The following CPZ variants were observed in gnomAD, a reference collection of about 807,000 sequenced individuals.
The protein encoded by CPZ is carboxypeptidase Z.
In CPZ, 103 loss-of-function variants were observed where a neutral mutation model predicts 61.8. The observed-to-expected ratio is 1.67, with a 90% CI of 1.42 to 1.96. CPZ has a LOEUF of 1.96. Ranked by LOEUF, CPZ falls within the 30% of genes most tolerant of loss-of-function variation. The pLI, the probability that CPZ is intolerant of heterozygous loss-of-function variation, is 0.00. For missense variants in CPZ, 1,461 were observed against 914.9 expected, an observed-to-expected ratio of 1.60 and a Z score of -7.70; for synonymous variants, 551 against 373.7, an observed-to-expected ratio of 1.47 and a Z score of -5.47.
rs149313399 is a variant in CPZ, at chr4:8,614,360, C to A, written c.1365C>A (p.Gly455=). The A allele has an allele frequency of 5.9e-5, 95 of 1,612,856 alleles. No individual in the cohort carries two copies. The African/African-American group carries it at 1.2e-3, about 21-fold the overall frequency. Residue 455 remains glycine (G), a splice_region_variant and synonymous_variant, in exon 9 of 11, where the codon GGC becomes GGA. Coordinates refer to ENST00000360986, the MANE Select transcript of CPZ (RefSeq NM_001014447.3). Reference sequence around the variant, plus strand: ...GTCCCCGCTGTCTCTGTGCCACAGGCATGTCCGATTTCAACTACCTGCACA... The same window carrying A: ...GTCCCCGCTGTCTCTGTGCCACAGGAATGTCCGATTTCAACTACCTGCACA... ...NGADWYSFTG[G]MSDFNYLHTN...
intron 7 of CPZ, among the ~76,000 whole-genome samples, chr4:8,610,995 T>C (rs1362487424): frequency 1.3e-5 from 2 of 149,044 alleles, no homozygotes; most frequent in Non-Finnish European, 3.0e-5. Flanking sequence ...CACTCACTCT[T>C]TCACTCATTC....
In CPZ at chr4:8,604,030, G is replaced by A. The variant is rs376798665; in HGVS notation, c.551G>A (p.Arg184His). The stretch of plus-strand genomic sequence containing the variant: ...TCAGGGCTGCCGCCCACCTTCATCC[G>A]CTTCAGCCACCACTCCTACGCCCAG... The part of the protein sequence containing the change: ...LPSGLPPTFI[R>H]FSHHSYAQMV... Residue 184 changes from arginine (R) to histidine (H), a missense_variant, in exon 4 of 11, where the codon CGC (arginine) becomes CAC (histidine). Arg to His is a conservative substitution (Grantham distance 29). Coordinates refer to ENST00000360986, the MANE Select transcript of CPZ (RefSeq NM_001014447.3). 1.7e-4 allele frequency: 266 copies of A among 1,611,938 alleles called. No homozygotes were observed. Among genetic ancestry groups the A allele is most frequent in the East Asian group, 2.9e-4 (13 of 44,898 alleles).
intron 5 of CPZ, 24 bp from the exon 6 acceptor site, chr4:8,606,713 G>C (rs772943868): frequency 1.2e-6 from 2 of 1,613,858 alleles, no homozygotes; most frequent in African/African-American, 1.3e-5. Flanking sequence ...ACCCCACCCA[G>C]TCGGGGGTTG....
At chr4:8,616,731 G>A (rs1304200450) in intron 9 of CPZ, among the ~76,000 whole-genome samples, 2 of 152,204 alleles carry the variant, frequency 1.3e-5, no homozygotes, top group East Asian at 3.8e-4. Context: ...GAGCTGTCCA[G>A]TTTCTCTTCA....
At chr4:8,611,756 G>A (rs552475954) in intron 7 of CPZ, among the ~76,000 whole-genome samples, 1 of 152,128 alleles carries the variant, frequency 6.6e-6, no homozygotes, top group East Asian at 1.9e-4. Flanking sequence ...TACCCGGCCA[G>A]GTGTGCAGAG....
chr4:8,609,189 C>CACTCACTCCCTCATTCACTT (rs1560298115), intron 7 of CPZ, among the ~76,000 whole-genome samples: 2 of 127,780 alleles, frequency 1.6e-5, no homozygotes. Context: ...CTCAGGCATT[C>CACTCACTCCCTCATTCACTT]ACTCACTCCC....
At position 8,619,635 on chromosome 4, in the gene CPZ, G is replaced by A. The variant is rs201004473; in HGVS notation, c.*18G>A. ...AGTACTAGCCCCGGCCCCAGCACCC[G>A]CCAGGATGTGGAGACCGAGGCCCAT... On this transcript the variant is annotated 3_prime_UTR_variant, in exon 11 of 11. Transcript: ENST00000360986. 2.4e-4 allele frequency: 359 copies of A among 1,474,868 alleles called. 2 individuals carry two copies. In the East Asian group the frequency reaches 8.0e-3, roughly 33 times the overall value. 91.4% of individuals were successfully genotyped at this position (1,474,868 alleles called of 1,614,324 possible).
At chr4:8,609,121 C>CACTT (rs1715345684) in intron 7 of CPZ, among the ~76,000 whole-genome samples, 1 of 15,598 alleles carries the variant, frequency 6.4e-5, no homozygotes, top group African/African-American at 1.2e-4. Flanking sequence ...CTCACTCCCT[C>CACTT]ACTCATTCAC....
At chr4:8,593,314 C>G (rs751066471) in intron 1 of CPZ, among the ~76,000 whole-genome samples, 2 of 152,200 alleles carry the variant, frequency 1.3e-5, no homozygotes. Context: ...ACGGGACAGT[C>G]TCTCTGGGCT....
At chr4:8,608,262 G>A (rs112728671) in intron 7 of CPZ, among the ~76,000 whole-genome samples, 108 of 151,592 alleles carry the variant, frequency 7.1e-4, no homozygotes, top group African/African-American at 2.4e-3. Flanking sequence ...GCCCAGAGTC[G>A]CTCCCCAGGC....
chr4:8,602,067 G>A (rs1047624581), intron 3 of CPZ: 4 of 152,518 alleles, frequency 2.6e-5, no homozygotes, highest in African/African-American at 9.6e-5. Context: ...CTCAAGGAGG[G>A]AGAGGAGCTG....
chr4:8,603,001 G>A (rs1237307932), intron 3 of CPZ: 1 of 152,420 alleles, frequency 6.6e-6, no homozygotes, highest in African/African-American at 2.4e-5. Flanking sequence ...AGGGAGGCGA[G>A]GAAGGAAGCC....
chr4:8,601,549 G>A, intron 3 of CPZ, 52 bp downstream of exon 3: 2 of 1,416,842 alleles, frequency 1.4e-6, no homozygotes, highest in Non-Finnish European at 1.8e-6. Context: ...GGTGGTCAAG[G>A]AGGACCAAGA....
At chr4:8,601,533 G>A (rs1385251342) in intron 3 of CPZ, 36 bp downstream of exon 3, 3 of 1,430,414 alleles carry the variant, frequency 2.1e-6, no homozygotes. Flanking sequence ...GTGGTCATGG[G>A]GTCCAGGTGG....
At chr4:8,600,498 C>T (rs3756171) in intron 2 of CPZ, among the ~76,000 whole-genome samples, 41,833 of 152,142 alleles carry the variant, frequency 0.27, 6,036 homozygotes, top group Admixed American at 0.36. Context: ...CCTGCTAGGC[C>T]GATGAGGGCC....
Position 8,606,026 on chromosome 4 carries a change from C to A in CPZ, c.747C>A (p.Gly249=), listed in dbSNP as rs769718507. ...TGAAGCTCATCGGCAACATTCATGG[C>A]AACGAGGTGGCGGGCCGGGAGATGC... The part of the protein sequence containing the change: ...PEVKLIGNIH[G]NEVAGREMLI... Residue 249 remains glycine (G), a synonymous_variant, in exon 5 of 11, where the codon GGC becomes GGA. Coordinates refer to ENST00000360986, the MANE Select transcript of CPZ (RefSeq NM_001014447.3). The A allele has an allele frequency of 6.2e-7, 1 of 1,614,112 alleles. No homozygotes were observed. Among genetic ancestry groups the A allele is most frequent in the South Asian group, 1.1e-5 (1 of 91,080 alleles).
chr4:8,619,669 CCCGGGCT>C lies in CPZ; in HGVS notation c.*55_*61del. Reference sequence around the variant, plus strand: ...TGGAGACCGAGGCCCATCTCCGCATCCCGGGCTCCTGGCTCTTGATTTTGTCTGCCAC... The same window carrying C: ...TGGAGACCGAGGCCCATCTCCGCATCCCTGGCTCTTGATTTTGTCTGCCAC... On this transcript the variant is annotated 3_prime_UTR_variant, in exon 11 of 11. Coordinates refer to ENST00000360986, the MANE Select transcript of CPZ (RefSeq NM_001014447.3). 7.5e-7 allele frequency: 1 copy of C among 1,337,916 alleles called. No individual in the cohort carries two copies. The highest frequency in any genetic ancestry group is 9.9e-7 in the Non-Finnish European group (1 of 1,009,622). The allele number at this position is 1,337,916 out of a possible 1,614,324, so 82.9% of individuals were successfully genotyped here. A position where few individuals can be genotyped will look rare whatever the true frequency, so the allele number is the denominator to read the frequency against.
intron 9 of CPZ, among the ~76,000 whole-genome samples, chr4:8,617,034 A>C (rs566866869): frequency 1.8e-4 from 28 of 152,244 alleles, no homozygotes; most frequent in Admixed American, 1.8e-3. Context: ...GTGGAGCTAG[A>C]CTGGGTGCCC....
intron 1 of CPZ, among the ~76,000 whole-genome samples, chr4:8,596,183 C>G (rs1714165175): frequency 6.6e-6 from 1 of 152,204 alleles, no homozygotes; most frequent in African/African-American, 2.4e-5. Context: ...TCCCGAGTAG[C>G]TGGGACTACA....
Sources: allele counts gnomAD v4.1 joint callset (sites outside exome capture counted in the v4.1 genomes callset), GRCh38; gene constraint gnomAD v4.1.1; transcripts MANE v1.5; gene names NCBI Gene and HGNC (gene_info 2026-07-23, HGNC 2026-07-21).